Variants in LGR5 observed in about 807,000 individuals in gnomAD.
The protein encoded by LGR5 is leucine rich repeat containing G protein-coupled receptor 5.
A neutral mutation model predicts 76.7 loss-of-function variants in LGR5; 54 were observed. The ratio of observed to expected loss-of-function variants is 0.70; its 90% CI spans 0.57 to 0.88. The LOEUF is 0.88. Among genes scored for constraint, LGR5 ranks in the 40% least tolerant of loss-of-function variants. The pLI, the probability that LGR5 is intolerant of heterozygous loss-of-function variation, is 0.00. For synonymous variants in LGR5, 406 were observed against 421.9 expected, an observed-to-expected ratio of 0.96 and a Z score of 0.46; for missense variants, 1,078 against 1,073.3, an observed-to-expected ratio of 1.00 and a Z score of -0.06.
At chr12:71,576,545 A>T (rs1374269080) in intron 13 of LGR5, among the ~76,000 whole-genome samples, 1 of 152,118 alleles carries the variant, frequency 6.6e-6, no homozygotes, top group Non-Finnish European at 1.5e-5. Context: ...GCCATTAGGG[A>T]GCTCTGGGGA....
intron 1 of LGR5, among the ~76,000 whole-genome samples, chr12:71,453,884 T>G (rs17109698): frequency 0.012 from 1,760 of 152,184 alleles, 35 homozygotes; most frequent in African/African-American, 0.04. Flanking sequence ...GAAGGATCTT[T>G]CAGTCAGTGA....
chr12:71,480,323 T>G (rs146534245), intron 1 of LGR5, among the ~76,000 whole-genome samples: 1 of 143,736 alleles, frequency 7.0e-6, no homozygotes, highest in South Asian at 2.2e-4. Context: ...ATCATGCCAC[T>G]GCACTCCAGC....
At chr12:71,548,369 A>C (rs1207324229) in intron 4 of LGR5, among the ~76,000 whole-genome samples, 1 of 151,656 alleles carries the variant, frequency 6.6e-6, no homozygotes, top group Non-Finnish European at 1.5e-5. Context: ...GTAAAGGCTG[A>C]AAAAATAAGG....
chr12:71,541,217 A>G lies in LGR5; in HGVS notation c.428+6031A>G, dbSNP rs138528608. On this transcript the variant is annotated intron_variant, in intron 4 of 17. Coordinates refer to ENST00000266674, the MANE Select transcript of LGR5 (RefSeq NM_003667.4). ...AAGCTCCTTCTACATAATGTTTACAAGAAGAGAGAGCTAAAATTGGAGCAT... is the reference window on the plus strand; with the variant it reads ...AAGCTCCTTCTACATAATGTTTACAGGAAGAGAGAGCTAAAATTGGAGCAT... 1.7e-3 allele frequency among the ~76,000 whole-genome samples: 263 copies of G among 152,350 alleles called. 1 individual carries two copies. Among genetic ancestry groups the G allele is most frequent in the African/African-American group, 6.1e-3 (254 of 41,588 alleles).
intron 4 of LGR5, among the ~76,000 whole-genome samples, chr12:71,548,532 A>G (rs1274846935): frequency 2.6e-5 from 4 of 152,078 alleles, no homozygotes; most frequent in South Asian, 2.1e-4. Flanking sequence ...ATTTACCTTT[A>G]TTTTTCTGAA....
chr12:71,500,051 A>C (rs1375162717), intron 1 of LGR5, among the ~76,000 whole-genome samples: 1 of 152,144 alleles, frequency 6.6e-6, no homozygotes, highest in South Asian at 2.1e-4. Context: ...GCTTATGGAC[A>C]TAGGGATGGT....
rs190159178 is a variant in LGR5 at position 71,542,896 on chromosome 12, A to G, written c.428+7710A>G. On this transcript the variant is annotated intron_variant, in intron 4 of 17. Coordinates refer to ENST00000266674, the MANE Select transcript of LGR5 (RefSeq NM_003667.4). ...AAAAAAAAAAAGTAAAATCTAGTTT[A>G]GGTTCCCCAACCATGCATTCCTCTT... Among the ~76,000 whole-genome samples the G allele has an allele frequency of 1.4e-3, 219 of 152,276 alleles. 5 individuals are homozygous for G. Among genetic ancestry groups the G allele is most frequent in the Admixed American group, 9.8e-4 (15 of 15,296 alleles).
At chr12:71,494,074 G>C (rs1874202993) in intron 1 of LGR5, among the ~76,000 whole-genome samples, 1 of 149,992 alleles carries the variant, frequency 6.7e-6, no homozygotes, top group Non-Finnish European at 1.5e-5. Flanking sequence ...CTCCTGAGTA[G>C]CTGGGACTAC....
chr12:71,506,394 C>G (rs1265215533), intron 2 of LGR5, among the ~76,000 whole-genome samples: 4 of 152,090 alleles, frequency 2.6e-5, no homozygotes, highest in Non-Finnish European at 5.9e-5. Flanking sequence ...TTTCCTCCCT[C>G]AGTGACCCAA....
chr12:71,458,682 C>T (rs1872579305), intron 1 of LGR5, among the ~76,000 whole-genome samples: 1 of 152,092 alleles, frequency 6.6e-6, no homozygotes, highest in Non-Finnish European at 1.5e-5. Context: ...GTGTCAGCTT[C>T]GTGTTCCTGC....
intron 2 of LGR5, among the ~76,000 whole-genome samples, chr12:71,522,079 G>T (rs990079807): frequency 1.3e-5 from 2 of 152,124 alleles, no homozygotes; most frequent in African/African-American, 2.4e-5. Context: ...AGGGCTAGAG[G>T]GGGGAATGTG....
chr12:71,561,732 A>G, intron 7 of LGR5, 49 bp from the exon 8 acceptor site: 3 of 1,170,476 alleles, frequency 2.6e-6, no homozygotes, highest in Non-Finnish European at 3.7e-6. Context: ...CCTCTATTAA[A>G]TAATTTTACC....
At chr12:71,448,948 A>T (rs1254534647) in intron 1 of LGR5, 1 of 152,296 alleles carries the variant, frequency 6.6e-6, no homozygotes, top group Non-Finnish European at 1.5e-5. Flanking sequence ...TTAACTGTAC[A>T]ATAGAGAAAA....
intron 4 of LGR5, among the ~76,000 whole-genome samples, chr12:71,535,581 T>C (rs1876543811): frequency 6.6e-6 from 1 of 152,204 alleles, no homozygotes; most frequent in Non-Finnish European, 1.5e-5. Flanking sequence ...TAGGATTATT[T>C]GAGTTGCCTT....
At chr12:71,573,884 T>C (rs1025450013) in intron 13 of LGR5, among the ~76,000 whole-genome samples, 9 of 149,466 alleles carry the variant, frequency 6.0e-5, no homozygotes, top group Non-Finnish European at 1.3e-4. Context: ...TCACTTTTGG[T>C]TGAAATCTAC....
At chr12:71,572,348 C>T (rs1395105759) in intron 12 of LGR5, among the ~76,000 whole-genome samples, 1 of 152,190 alleles carries the variant, frequency 6.6e-6, no homozygotes, top group Non-Finnish European at 1.5e-5. Context: ...TCCCAAAGTG[C>T]TGCGATTACA....
chr12:71,579,669 A>T (rs1451428838), intron 15 of LGR5, among the ~76,000 whole-genome samples: 1 of 152,210 alleles, frequency 6.6e-6, no homozygotes, highest in Non-Finnish European at 1.5e-5. Flanking sequence ...TCTTTATTTT[A>T]AAATGCCCAA....
intron 2 of LGR5, among the ~76,000 whole-genome samples, chr12:71,514,577 A>AAG (rs1555171034): frequency 2.0e-5 from 3 of 151,204 alleles, no homozygotes; most frequent in African/African-American, 7.3e-5. Flanking sequence ...CAAAAAAAAA[A>AAG]AAAGAAAGAA....
chr12:71,462,205 T>A (rs1053824698), intron 1 of LGR5, among the ~76,000 whole-genome samples: 1 of 152,062 alleles, frequency 6.6e-6, no homozygotes, highest in South Asian at 2.1e-4. Context: ...GCATGCAAGA[T>A]CTCTACAATC....
Sources: allele counts gnomAD v4.1 joint callset (sites outside exome capture counted in the v4.1 genomes callset), GRCh38; gene constraint gnomAD v4.1.1; transcripts MANE v1.5; gene names NCBI Gene and HGNC (gene_info 2026-07-23, HGNC 2026-07-21).